C2CD3: variants seen among roughly 807,000 people sequenced by gnomAD.
The protein encoded by C2CD3 is C2 domain containing 3 centriole elongation regulator, also known as C2 domain-containing protein 3.
Under a neutral mutation model 234.0 loss-of-function variants are expected in C2CD3, and 148 were observed. The ratio of observed to expected loss-of-function variants is 0.63; its 90% CI spans 0.55 to 0.72. The LOEUF is 0.72. Among genes scored for constraint, C2CD3 ranks in the 30% least tolerant of loss-of-function variants. The pLI is 0.00. For synonymous variants in C2CD3, 1,000 were observed against 1,035.4 expected (o/e 0.97, Z 0.66); for missense variants, 2,577 against 2,811.5 (o/e 0.92, Z 1.89).
chr11:74,050,802 A>T (rs1303212856), intron 26 of C2CD3, among the ~76,000 whole-genome samples: 1 of 148,476 alleles, frequency 6.7e-6, no homozygotes, highest in African/African-American at 2.6e-5. Flanking sequence ...CATACCTGGC[A>T]TAACATCTTC....
chr11:74,083,156 A>G (rs923077589), intron 22 of C2CD3, among the ~76,000 whole-genome samples: 1 of 152,196 alleles, frequency 6.6e-6, no homozygotes, highest in African/African-American at 2.4e-5. Context: ...CAACCATCTG[A>G]TCTTTGAGAA....
rs115028829 is a variant in C2CD3, at chr11:74,052,443, T to C, written c.5155+2164A>G. 1.2e-3 allele frequency among the ~76,000 whole-genome samples: 178 copies of C among 152,338 alleles called. 2 individuals are homozygous for C. The highest frequency in any genetic ancestry group is 4.1e-3 in the African/African-American group (169 of 41,582). On this transcript the variant is annotated intron_variant, in intron 26 of 32. Transcript: ENST00000334126. ...GTGAAGTGATTTAATTCGGGCCACA[T>C]AGTTATTATAGTAAACAGCAGAGCC...
At chr11:74,140,251 C>T (rs1958009078) in intron 3 of C2CD3, among the ~76,000 whole-genome samples, 1 of 152,156 alleles carries the variant, frequency 6.6e-6, no homozygotes. Context: ...AGCTTCCTTC[C>T]TTCATCCCTC....
At chr11:74,026,830 T>C (rs566652324) in intron 32 of C2CD3, among the ~76,000 whole-genome samples, 5 of 151,892 alleles carry the variant, frequency 3.3e-5, no homozygotes, top group African/African-American at 1.2e-4. Context: ...TAGCTGGGCA[T>C]GGTAGTGGTG....
intron 22 of C2CD3, among the ~76,000 whole-genome samples, chr11:74,084,210 G>C (rs192083018): frequency 6.6e-6 from 1 of 151,950 alleles, no homozygotes; most frequent in Non-Finnish European, 1.5e-5. Context: ...ACTAGACACC[G>C]CATGTTCTTA....
At chr11:74,160,195 T>G (rs920194042) in intron 3 of C2CD3, among the ~76,000 whole-genome samples, 3 of 152,126 alleles carry the variant, frequency 2.0e-5, no homozygotes, top group African/African-American at 7.2e-5. Flanking sequence ...TGAAATTGCC[T>G]GAGGACACAT....
chr11:74,020,801 C>T (rs952832882), intron 32 of C2CD3, among the ~76,000 whole-genome samples: 1 of 152,192 alleles, frequency 6.6e-6, no homozygotes, highest in Non-Finnish European at 1.5e-5. Context: ...TCCTCAGGCC[C>T]AGCTCTAGTT....
chr11:74,054,989 T>C (rs909113320), intron 25 of C2CD3, among the ~76,000 whole-genome samples: 1 of 152,162 alleles, frequency 6.6e-6, no homozygotes, highest in African/African-American at 2.4e-5. Context: ...AGAGTTTTAC[T>C]GGAATGGGTA....
At chr11:74,137,362 G>A (rs1289177054) in intron 5 of C2CD3, among the ~76,000 whole-genome samples, 1 of 151,804 alleles carries the variant, frequency 6.6e-6, no homozygotes, top group Non-Finnish European at 1.5e-5. Flanking sequence ...CCAGACATTT[G>A]GTAGTGCTGA....
rs768319730 is a variant in C2CD3, at chr11:74,123,084, A to C, written c.1269T>G (p.Asp423Glu). 16 of 1,612,880 alleles carry C rather than the reference A, an allele frequency of 9.9e-6. No individual in the cohort carries two copies. Among genetic ancestry groups the C allele is most frequent in the Non-Finnish European group, 1.4e-5 (16 of 1,178,856 alleles). The change falls in exon 8 of 33, where the codon GAT (aspartate) becomes GAG (glutamate). Residue 423 changes from aspartate to glutamate, a missense_variant. By Grantham distance (45) the Asp-to-Glu change is conservative. Coordinates refer to ENST00000334126, the MANE Select transcript of C2CD3 (RefSeq NM_001286577.2). ...NFWDGLGSPP[D>E]SPSPGSDVYC... ...ACACATCACTCCCAGGAGATGGGGAATCTGGAGGAGAGCCTAGCCCATCCC... is the reference window on the plus strand; with the variant it reads ...ACACATCACTCCCAGGAGATGGGGACTCTGGAGGAGAGCCTAGCCCATCCC...
At chr11:74,112,767 G>A (rs1029022098) in intron 11 of C2CD3, among the ~76,000 whole-genome samples, 3 of 152,146 alleles carry the variant, frequency 2.0e-5, no homozygotes, top group African/African-American at 7.2e-5. Context: ...CATCCACCAG[G>A]ATGACCAGAA....
At chr11:74,022,500 G>A (rs2135403384) in intron 32 of C2CD3, among the ~76,000 whole-genome samples, 1 of 152,280 alleles carries the variant, frequency 6.6e-6, no homozygotes, top group Admixed American at 6.5e-5. Context: ...AAGGATTTGA[G>A]AGTCATTCAA....
intron 8 of C2CD3, 104 bp from the exon 9 acceptor site, chr11:74,118,486 A>G (rs1337178724): frequency 1.4e-5 from 10 of 727,000 alleles, no homozygotes; most frequent in Non-Finnish European, 2.2e-5. Context: ...TACATACATC[A>G]TTCTCTTAAA....
chr11:74,049,252 C>T, intron 27 of C2CD3, 85 bp downstream of exon 27: 1 of 1,127,362 alleles, frequency 8.9e-7, no homozygotes, highest in Non-Finnish European at 1.3e-6. Flanking sequence ...ATTCTATAAG[C>T]CGGAGAGTGC....
At chr11:74,114,290 A>T in intron 10 of C2CD3, 94 bp downstream of exon 10, 1 of 838,598 alleles carries the variant, frequency 1.2e-6, no homozygotes, top group Non-Finnish European at 2.0e-6. Context: ...ATGAAAACAC[A>T]TCCCAAATCA....
chr11:74,070,988 A>T (rs1337697442), intron 24 of C2CD3: 1 of 152,110 alleles, frequency 6.6e-6, no homozygotes, highest in Non-Finnish European at 1.5e-5. Context: ...TTAGCAAAAA[A>T]ATGCCCTCTG....
intron 29 of C2CD3, among the ~76,000 whole-genome samples, chr11:74,040,964 A>ATTTTTT (rs570727716): frequency 7.5e-6 from 1 of 133,834 alleles, no homozygotes; most frequent in Non-Finnish European, 1.6e-5. Context: ...TTTTCCTTAA[A>ATTTTTT]TTTTTTTTTT....
rs763164634 is a variant in C2CD3 at position 74,057,483 on chromosome 11, G to A, written c.5013C>T (p.Ala1671=). The part of the protein sequence containing the change: ...IPSCCVSFAT[A]DESSPVYTQV... Reference sequence around the variant, plus strand: ...GGGTGTATACAGGAGATGACTCATCGGCTGTTGCAAAGGATACACAACAAC... The same window carrying A: ...GGGTGTATACAGGAGATGACTCATCAGCTGTTGCAAAGGATACACAACAAC... The change falls in exon 25 of 33, where the codon GCC becomes GCT. Residue 1671 remains alanine, a synonymous_variant. Coordinates refer to ENST00000334126, the MANE Select transcript of C2CD3 (RefSeq NM_001286577.2). 10 of 1,613,664 alleles carry A rather than the reference G, an allele frequency of 6.2e-6. No individual in the cohort carries two copies. In the East Asian group the frequency reaches 1.6e-4, roughly 25 times the overall value.
At chr11:74,024,221 A>G (rs1952201581) in intron 32 of C2CD3, among the ~76,000 whole-genome samples, 1 of 152,258 alleles carries the variant, frequency 6.6e-6, no homozygotes, top group Admixed American at 6.5e-5. Context: ...ATAAGAAACA[A>G]TGGAGGACAG....
Sources: gnomAD v4.1 joint callset for allele counts (sites outside exome capture counted in the v4.1 genomes callset) on GRCh38, gnomAD v4.1.1 for gene constraint, MANE v1.5 for transcripts, NCBI Gene and HGNC (gene_info 2026-07-23, HGNC 2026-07-21) for gene names.